STK31: variants seen among roughly 807,000 people sequenced by gnomAD.
STK31 encodes serine/threonine-protein kinase 31.
Under a neutral mutation model 129.7 loss-of-function variants are expected in STK31, and 89 were observed. The ratio of observed to expected loss-of-function variants is 0.69; its 90% CI spans 0.58 to 0.82. The LOEUF is 0.82. Ranked by LOEUF, STK31 falls within the 40% of genes least tolerant of loss-of-function variation. The pLI, the probability that STK31 is intolerant of heterozygous loss-of-function variation, is 0.00. For missense variants in STK31, 1,187 were observed against 1,176.4 expected, an observed-to-expected ratio of 1.01 and a Z score of -0.13; for synonymous variants, 448 against 395.3, an observed-to-expected ratio of 1.13 and a Z score of -1.58.
intron 22 of STK31, among the ~76,000 whole-genome samples, chr7:23,802,811 G>T (rs1323568199): frequency 6.6e-6 from 1 of 152,168 alleles, no homozygotes; most frequent in Non-Finnish European, 1.5e-5. Flanking sequence ...ACTGCGCCTG[G>T]CTGCTTTTCC....
chr7:23,786,766 A>G (rs549464702), intron 19 of STK31, 72 bp from the exon 20 acceptor site: 3 of 1,550,166 alleles, frequency 1.9e-6, no homozygotes, highest in East Asian at 2.2e-5. Context: ...ATTATCCCAT[A>G]GAATCAATGT....
chr7:23,785,154 T>C (rs1562600019), intron 17 of STK31, among the ~76,000 whole-genome samples: 1 of 152,160 alleles, frequency 6.6e-6, no homozygotes, highest in African/African-American at 2.4e-5. Context: ...GTTGTTACTT[T>C]AGTATTTTTT....
intron 5 of STK31, 51 bp from the exon 6 acceptor site, chr7:23,729,040 G>T (rs770878472): frequency 6.8e-6 from 10 of 1,470,420 alleles, no homozygotes; most frequent in Non-Finnish European, 9.0e-7. Flanking sequence ...GGTTTCTTTG[G>T]AAACATTTAA....
At chr7:23,801,191 C>T (rs2128120612) in intron 22 of STK31, among the ~76,000 whole-genome samples, 1 of 152,300 alleles carries the variant, frequency 6.6e-6, no homozygotes, top group African/African-American at 2.4e-5. Context: ...ATGAAAGTTT[C>T]AGTTCAGCAT....
intron 21 of STK31, among the ~76,000 whole-genome samples, chr7:23,789,450 G>T (rs1391369953): frequency 2.6e-5 from 4 of 151,944 alleles, no homozygotes. Flanking sequence ...TATTATCTGA[G>T]CAATTCCCTT....
intron 22 of STK31, among the ~76,000 whole-genome samples, chr7:23,806,785 A>G (rs1792734533): frequency 6.6e-6 from 1 of 151,808 alleles, no homozygotes; most frequent in African/African-American, 2.4e-5. Context: ...CTGTAGTCCC[A>G]GCTACTGGGG....
chr7:23,742,610 G>A (rs945515939), intron 8 of STK31, among the ~76,000 whole-genome samples: 1 of 152,170 alleles, frequency 6.6e-6, no homozygotes, highest in African/African-American at 2.4e-5. Context: ...GAGCTCTGGG[G>A]ATTTTTCTCT....
At chr7:23,761,241 C>T (rs1034891406) in intron 10 of STK31, among the ~76,000 whole-genome samples, 27 of 151,782 alleles carry the variant, frequency 1.8e-4, no homozygotes, top group African/African-American at 4.6e-4. Context: ...CTTGTGTTTC[C>T]GGACTTAAAG....
chr7:23,802,954 C>T (rs1792471474), intron 22 of STK31, among the ~76,000 whole-genome samples: 2 of 152,132 alleles, frequency 1.3e-5, no homozygotes, highest in African/African-American at 4.8e-5. Context: ...AATTTGTGAA[C>T]TCCATTTATT....
At chr7:23,830,514 G>A (rs1294676939) in intron 23 of STK31, among the ~76,000 whole-genome samples, 3 of 151,388 alleles carry the variant, frequency 2.0e-5, no homozygotes, top group Non-Finnish European at 4.4e-5. Context: ...GTGATTGCTC[G>A]AAGACATTTT....
At chr7:23,725,405 A>G (rs563906921) in intron 4 of STK31, among the ~76,000 whole-genome samples, 7 of 133,546 alleles carry the variant, frequency 5.2e-5, no homozygotes, top group Non-Finnish European at 3.1e-5. Flanking sequence ...AAAGCTAGGT[A>G]TGGTATGTGT....
At chr7:23,733,559 A>G (rs371260731) in intron 6 of STK31, among the ~76,000 whole-genome samples, 3 of 152,184 alleles carry the variant, frequency 2.0e-5, no homozygotes, top group East Asian at 3.9e-4. Context: ...CTGTAATCCC[A>G]GCTCTTTGGG....
rs577537018 is a variant in STK31, at chr7:23,794,539, A to T, written c.2760+3593A>T. On this transcript the variant is annotated intron_variant, in intron 22 of 23. Transcript: ENST00000355870. ...GCTGTAAAGATACCCGAAAATGTGG[A>T]AGCAGCTTTGGAACTGCGTCATGGG... Among the ~76,000 whole-genome samples the T allele has an allele frequency of 3.3e-5, 5 of 152,296 alleles. No individual in the cohort carries two copies. The South Asian group carries it at 6.2e-4, about 19-fold the overall frequency.
At chr7:23,741,209 C>T (rs999447735) in intron 8 of STK31, among the ~76,000 whole-genome samples, 3 of 152,148 alleles carry the variant, frequency 2.0e-5, no homozygotes, top group African/African-American at 7.2e-5. Context: ...GTTCCATACT[C>T]ATCTGCATTT....
chr7:23,744,459 A>G (rs971433525), intron 8 of STK31, among the ~76,000 whole-genome samples: 4 of 151,902 alleles, frequency 2.6e-5, no homozygotes, highest in Non-Finnish European at 5.9e-5. Flanking sequence ...TTTCTTTTTG[A>G]TTATGATCTG....
chr7:23,824,010 A>G (rs893096374), intron 23 of STK31, among the ~76,000 whole-genome samples: 4 of 152,140 alleles, frequency 2.6e-5, no homozygotes, highest in Non-Finnish European at 4.4e-5. Flanking sequence ...GCCTTGTAGT[A>G]TAGTTTGAAG....
At chr7:23,738,856 T>A (rs1787881628) in intron 8 of STK31, among the ~76,000 whole-genome samples, 1 of 152,170 alleles carries the variant, frequency 6.6e-6, no homozygotes, top group Admixed American at 6.5e-5. Flanking sequence ...CAGCCCACAT[T>A]TTCTTTATCC....
At chr7:23,725,620 G>C (rs1015883071) in intron 4 of STK31, among the ~76,000 whole-genome samples, 2 of 152,058 alleles carry the variant, frequency 1.3e-5, no homozygotes, top group Non-Finnish European at 2.9e-5. Context: ...TTTTGTTACT[G>C]TAAAGAAATA....
At chr7:23,817,291 C>T (rs1374283287) in intron 23 of STK31, among the ~76,000 whole-genome samples, 1 of 152,106 alleles carries the variant, frequency 6.6e-6, no homozygotes, top group Admixed American at 6.6e-5. Context: ...AATGTAAATA[C>T]ACAGTCCCCG....
Sources: allele counts gnomAD v4.1 joint callset (sites outside exome capture counted in the v4.1 genomes callset), GRCh38; gene constraint gnomAD v4.1.1; transcripts MANE v1.5; gene names NCBI Gene and HGNC (gene_info 2026-07-23, HGNC 2026-07-21).